Variants in ROBO1 observed in about 807,000 individuals in gnomAD.
The protein encoded by ROBO1 is roundabout guidance receptor 1.
A neutral mutation model predicts 195.9 loss-of-function variants in ROBO1; 149 were observed. That is an observed-to-expected ratio of 0.76 (90% CI 0.67 to 0.87). ROBO1 has a LOEUF of 0.87. ROBO1 is among the 40% of genes least tolerant of loss of function. ROBO1 has a pLI of 0.00. For synonymous variants in ROBO1, 816 were observed against 733.2 expected (o/e 1.11, Z -1.82); for missense variants, 1,933 against 2,068.3 (o/e 0.93, Z 1.27).
chr3:79,237,029 G>C (rs1488829075), intron 2 of ROBO1, among the ~76,000 whole-genome samples: 1 of 151,936 alleles, frequency 6.6e-6, no homozygotes, highest in Non-Finnish European at 1.5e-5. Flanking sequence ...AAAAGTGCTA[G>C]AAAAGAAAAA....
rs539420320 is a variant in ROBO1, at chr3:79,767,058, T to C, written c.-51+694A>G. Among the ~76,000 whole-genome samples, 3 of 152,152 alleles carry C rather than the reference T, an allele frequency of 2.0e-5. No individual in the cohort carries two copies. The East Asian group carries it at 5.8e-4, about 30-fold the overall frequency. On this transcript the variant is annotated intron_variant, in intron 1 of 30. Transcript: ENST00000464233. ...ATCAGCACCATGTTTTCAAGCAAAA[T>C]CCTGCAGGTTGGAAATGCAAGTGTC...
At chr3:78,702,240 T>G (rs1453256533) in intron 8 of ROBO1, among the ~76,000 whole-genome samples, 4 of 152,148 alleles carry the variant, frequency 2.6e-5, no homozygotes, top group South Asian at 2.1e-4. Context: ...GCTGTGTATA[T>G]CTATCAAAAT....
intron 1 of ROBO1, among the ~76,000 whole-genome samples, chr3:79,760,621 A>G (rs1012315864): frequency 4.0e-5 from 6 of 151,620 alleles, no homozygotes; most frequent in Non-Finnish European, 8.8e-5. Context: ...AGCAAAAAAA[A>G]AAAACCTGAA....
chr3:79,367,579 C>T (rs958068963), intron 2 of ROBO1, among the ~76,000 whole-genome samples: 1 of 152,220 alleles, frequency 6.6e-6, no homozygotes, highest in African/African-American at 2.4e-5. Flanking sequence ...TTCAGACAGT[C>T]ATTCAACCTT....
chr3:79,706,131 A>C (rs1947763625), intron 1 of ROBO1, among the ~76,000 whole-genome samples: 1 of 151,958 alleles, frequency 6.6e-6, no homozygotes. Flanking sequence ...CCCAATCAGC[A>C]CACCTTTCAT....
intron 2 of ROBO1, among the ~76,000 whole-genome samples, chr3:79,375,507 G>A (rs1575742684): frequency 6.6e-6 from 1 of 152,168 alleles, no homozygotes; most frequent in African/African-American, 2.4e-5. Flanking sequence ...AATGCTCAGA[G>A]TTGAAATAGT....
At position 78,681,667 on chromosome 3, in the gene ROBO1, G is replaced by A. The variant is rs559442781; in HGVS notation, c.1342+4079C>T. ...CGCCTGTAATCCCAGCACTTTGGGA[G>A]GCCGAGGCGGGTGGATCACGAGGTC... On this transcript the variant is annotated intron_variant, in intron 10 of 30. Transcript: ENST00000464233. Among the ~76,000 whole-genome samples the A allele has an allele frequency of 5.3e-3, 805 of 152,288 alleles. 1 individual carries two copies. The highest frequency in any genetic ancestry group is 8.2e-3 in the Non-Finnish European group (561 of 68,024).
intron 2 of ROBO1, among the ~76,000 whole-genome samples, chr3:79,330,558 CT>C (rs1303625378): frequency 6.7e-6 from 1 of 149,712 alleles, no homozygotes; most frequent in Non-Finnish European, 1.5e-5. Flanking sequence ...CACAGAACTG[CT>C]TTTTTTCACC....
At chr3:78,736,019 A>C (rs534130667) in intron 5 of ROBO1, among the ~76,000 whole-genome samples, 1 of 152,208 alleles carries the variant, frequency 6.6e-6, no homozygotes, top group Non-Finnish European at 1.5e-5. Context: ...TCACACTTAT[A>C]GCAATGTATT....
At chr3:79,620,806 C>T (rs1944983876) in intron 1 of ROBO1, among the ~76,000 whole-genome samples, 1 of 152,072 alleles carries the variant, frequency 6.6e-6, no homozygotes, top group African/African-American at 2.4e-5. Flanking sequence ...ATATCCCATT[C>T]CACAGCAGGC....
At chr3:79,681,231 C>A (rs1330787944) in intron 1 of ROBO1, among the ~76,000 whole-genome samples, 1 of 151,964 alleles carries the variant, frequency 6.6e-6, no homozygotes, top group African/African-American at 2.4e-5. Flanking sequence ...GTAGGAACGG[C>A]TTTATGGCTT....
intron 7 of ROBO1, 21 bp downstream of exon 7, chr3:78,717,254 T>A: frequency 2.0e-6 from 3 of 1,529,300 alleles, no homozygotes; most frequent in Non-Finnish European, 1.8e-6. Flanking sequence ...ACAAATCATA[T>A]CATGAAACTC....
chr3:79,020,478 G>A (rs545127792), intron 3 of ROBO1, among the ~76,000 whole-genome samples: 1 of 152,268 alleles, frequency 6.6e-6, no homozygotes, highest in East Asian at 1.9e-4. Flanking sequence ...GATCATTTAA[G>A]GTCTGGAGTT....
intron 1 of ROBO1, among the ~76,000 whole-genome samples, chr3:79,662,604 C>T (rs1946361555): frequency 6.6e-6 from 1 of 152,040 alleles, no homozygotes; most frequent in Non-Finnish European, 1.5e-5. Context: ...CCAGGTATAG[C>T]ATTACAGGAT....
intron 1 of ROBO1, among the ~76,000 whole-genome samples, chr3:79,682,396 A>G (rs952688283): frequency 6.6e-6 from 1 of 152,030 alleles, no homozygotes; most frequent in Non-Finnish European, 1.5e-5. Flanking sequence ...TGTTCTTACT[A>G]ATTTTAACCT....
At chr3:79,307,643 A>C (rs931507060) in intron 2 of ROBO1, among the ~76,000 whole-genome samples, 3 of 152,110 alleles carry the variant, frequency 2.0e-5, no homozygotes, top group Non-Finnish European at 4.4e-5. Context: ...GGTTCTTATT[A>C]GAATTTTTGA....
Position 78,714,434 on chromosome 3 carries a change from C to G in ROBO1, c.1008G>C (p.Val336=). 1 of 1,613,150 alleles carries G rather than the reference C, an allele frequency of 6.2e-7. No homozygotes were observed. Among genetic ancestry groups the G allele is most frequent in the South Asian group, 1.1e-5 (1 of 90,916 alleles). ...GAGTAGCAGATGCTTCAGCTTTGCCCACCATATTTTCTGCAACACAAGTGT... is the reference window on the plus strand; with the variant it reads ...GAGTAGCAGATGCTTCAGCTTTGCCGACCATATTTTCTGCAACACAAGTGT... The part of the protein sequence containing the change: ...GSYTCVAENM[V]GKAEASATLT... The change falls in exon 8 of 31, where the codon GTG becomes GTC. Residue 336 remains valine, a synonymous_variant. Transcript: ENST00000464233.
chr3:79,425,681 A>G (rs555421542), intron 2 of ROBO1, among the ~76,000 whole-genome samples: 18 of 151,976 alleles, frequency 1.2e-4, no homozygotes, highest in African/African-American at 4.1e-4. Context: ...AAAACATACA[A>G]TGAGAGCAGA....
At chr3:79,256,733 T>G (rs980961563) in intron 2 of ROBO1, among the ~76,000 whole-genome samples, 7 of 152,078 alleles carry the variant, frequency 4.6e-5, no homozygotes, top group East Asian at 1.9e-4. Context: ...AAGAAAAAAC[T>G]CATGACAACC....
Sources: gnomAD v4.1 joint callset for allele counts (sites outside exome capture counted in the v4.1 genomes callset) on GRCh38, gnomAD v4.1.1 for gene constraint, MANE v1.5 for transcripts, NCBI Gene and HGNC (gene_info 2026-07-23, HGNC 2026-07-21) for gene names.